SNX14: variants seen among roughly 807,000 people sequenced by gnomAD.
SNX14 encodes the protein sorting nexin-14.
Under a neutral mutation model 133.8 loss-of-function variants are expected in SNX14, and 93 were observed. That is an observed-to-expected ratio of 0.70 (90% CI 0.59 to 0.83). The LOEUF is 0.83. Ranked by LOEUF, SNX14 falls within the 40% of genes least tolerant of loss-of-function variation. SNX14 has a pLI of 0.00. For synonymous variants in SNX14, 368 were observed against 365.6 expected (o/e 1.01, Z -0.07); for missense variants, 945 against 1,094.9 (o/e 0.86, Z 1.93).
At chr6:85,515,068 C>T (rs565181270) in intron 23 of SNX14, among the ~76,000 whole-genome samples, 2 of 152,034 alleles carry the variant, frequency 1.3e-5, no homozygotes, top group South Asian at 2.1e-4. Flanking sequence ...AGTTTGAAAT[C>T]GGCTTGTCCA....
rs1771051107 is a variant in SNX14 at position 85,507,303 on chromosome 6, A to T, written c.2746-14T>A. On this transcript the variant is annotated splice_polypyrimidine_tract_variant and intron_variant, in intron 27 of 28. Coordinates refer to ENST00000314673, the MANE Select transcript of SNX14 (RefSeq NM_153816.6). ...AACATAAGTCAGCTAAAGCACCAAA[A>T]AATAATAATAATAAATGTTAAGGCA... The T allele has an allele frequency of 3.1e-6, 5 of 1,594,368 alleles. No individual in the cohort carries two copies. Among genetic ancestry groups the T allele is most frequent in the Non-Finnish European group, 4.3e-6 (5 of 1,169,206 alleles).
chr6:85,581,650 C>A (rs181561723), intron 1 of SNX14: 2 of 152,080 alleles, frequency 1.3e-5, no homozygotes, highest in East Asian at 1.9e-4. Flanking sequence ...AACAAAGAAG[C>A]TGAAATAATT....
intron 7 of SNX14, among the ~76,000 whole-genome samples, chr6:85,550,370 A>T (rs557546565): frequency 5.9e-5 from 9 of 152,372 alleles, no homozygotes; most frequent in Admixed American, 5.9e-4. Context: ...ATAGCAAATG[A>T]TTAAGTGGAA....
At chr6:85,565,454 C>A (rs1394626312) in intron 5 of SNX14, 35 bp from the exon 6 acceptor site, 2 of 1,462,860 alleles carry the variant, frequency 1.4e-6, no homozygotes, top group East Asian at 4.6e-5. Flanking sequence ...TTCAGAAGTT[C>A]AGAGAAATAC....
rs61749066 is a variant in SNX14 at position 85,507,915 on chromosome 6, C to A, written c.2745+53G>T. ...TAATGAGTTACCAGACACCTTACTA[C>A]GTCGTTCACCAAACCTAGCCAGCAT... On this transcript the variant is annotated intron_variant, in intron 27 of 28. Transcript: ENST00000314673. The A allele has an allele frequency of 1.3e-3, 1,832 of 1,419,048 alleles. 18 individuals are homozygous for A. In the African/African-American group the frequency reaches 0.024, roughly 18 times the overall value. The allele number at this position is 1,419,048 out of a possible 1,614,324, so 87.9% of individuals were successfully genotyped here. A position where few individuals can be genotyped will look rare whatever the true frequency, so the allele number is the denominator to read the frequency against.
At chr6:85,573,004 A>G (rs931635984) in intron 2 of SNX14, among the ~76,000 whole-genome samples, 6 of 152,210 alleles carry the variant, frequency 3.9e-5, no homozygotes, top group African/African-American at 1.4e-4. Flanking sequence ...CAAAGGCATA[A>G]TAAGAAAAAA....
At chr6:85,565,289 G>T in intron 6 of SNX14, 43 bp downstream of exon 6, 1 of 1,273,652 alleles carries the variant, frequency 7.9e-7, no homozygotes, top group Non-Finnish European at 1.1e-6. Context: ...TTCATTAAAT[G>T]ATAAAGCCCC....
chr6:85,537,115 T>C, intron 16 of SNX14, 191 bp from the exon 17 acceptor site: 1 of 443,996 alleles, frequency 2.3e-6, no homozygotes, highest in East Asian at 3.5e-5. Flanking sequence ...TGACACAGTA[T>C]TTAAAGTTTA....
chr6:85,561,800 C>T (rs1287366075), intron 6 of SNX14, among the ~76,000 whole-genome samples: 4 of 151,286 alleles, frequency 2.6e-5, no homozygotes, highest in Non-Finnish European at 5.9e-5. Context: ...AGTTTCCAGC[C>T]TGTTCATTTG....
At chr6:85,528,988 G>A (rs1279021994) in intron 19 of SNX14, among the ~76,000 whole-genome samples, 3 of 151,728 alleles carry the variant, frequency 2.0e-5, no homozygotes, top group African/African-American at 7.3e-5. Flanking sequence ...AGAGGTGGAG[G>A]TTGCTGGGAG....
intron 6 of SNX14, among the ~76,000 whole-genome samples, chr6:85,561,948 A>G (rs1315881825): frequency 6.6e-6 from 1 of 151,994 alleles, no homozygotes; most frequent in African/African-American, 2.4e-5. Flanking sequence ...TTCGTCACCC[A>G]AGTAATGAGC....
chr6:85,578,636 C>T (rs919586784), intron 1 of SNX14, among the ~76,000 whole-genome samples: 63 of 152,148 alleles, frequency 4.1e-4, no homozygotes, highest in African/African-American at 1.4e-3. Flanking sequence ...TAGAAATAGA[C>T]TGCATGAAAT....
At chr6:85,508,676 A>G (rs2127754542) in intron 26 of SNX14, among the ~76,000 whole-genome samples, 1 of 152,310 alleles carries the variant, frequency 6.6e-6, no homozygotes, top group Middle Eastern at 3.4e-3. Context: ...CATTTTGGGA[A>G]ATATAACAAA....
intron 21 of SNX14, among the ~76,000 whole-genome samples, chr6:85,522,946 G>A (rs1028586968): frequency 6.6e-5 from 10 of 152,118 alleles, no homozygotes; most frequent in Non-Finnish European, 1.5e-4. Flanking sequence ...TTCAAGATTA[G>A]ACAAATGATA....
chr6:85,542,520 A>G (rs1323396988), intron 14 of SNX14, among the ~76,000 whole-genome samples: 2 of 151,482 alleles, frequency 1.3e-5, no homozygotes, highest in Non-Finnish European at 2.9e-5. Context: ...TCAGCCTCCC[A>G]AGTAGCTGGG....
intron 16 of SNX14, among the ~76,000 whole-genome samples, chr6:85,538,448 A>G (rs577783257): frequency 6.6e-6 from 1 of 152,284 alleles, no homozygotes; most frequent in South Asian, 2.1e-4. Flanking sequence ...ACTCTCACTT[A>G]TGATTATTAT....
At chr6:85,561,469 C>T (rs1285992237) in intron 6 of SNX14, 1 of 152,056 alleles carries the variant, frequency 6.6e-6, no homozygotes, top group Non-Finnish European at 1.5e-5. Flanking sequence ...TTTACTTATT[C>T]CAAAGTATAA....
At chr6:85,524,280 G>A (rs1197532358) in intron 21 of SNX14, among the ~76,000 whole-genome samples, 1 of 152,178 alleles carries the variant, frequency 6.6e-6, no homozygotes, top group African/African-American at 2.4e-5. Context: ...CTGGCAAGAG[G>A]AAAATTGAGG....
chr6:85,515,262 C>CAA (rs751549621), intron 23 of SNX14, among the ~76,000 whole-genome samples: 2,219 of 21,498 alleles, frequency 0.1, 248 homozygotes, highest in African/African-American at 0.19. Context: ...GCAAGACCGT[C>CAA]AAAAAAAAAA....
Sources: gnomAD v4.1 joint callset for allele counts (sites outside exome capture counted in the v4.1 genomes callset) on GRCh38, gnomAD v4.1.1 for gene constraint, MANE v1.5 for transcripts, NCBI Gene and HGNC (gene_info 2026-07-23, HGNC 2026-07-21) for gene names.